The following MTPAP variants were observed in gnomAD, a reference collection of about 807,000 sequenced individuals.
The protein encoded by MTPAP is poly(A) RNA polymerase, mitochondrial.
Under a neutral mutation model 48.7 loss-of-function variants are expected in MTPAP, and 23 were observed. The ratio of observed to expected loss-of-function variants is 0.47; its 90% confidence interval spans 0.34 to 0.67. MTPAP has a LOEUF of 0.67. MTPAP is among the 30% of genes least tolerant of loss of function. The pLI, the probability that MTPAP is intolerant of heterozygous loss-of-function variation, is 0.01. For missense variants in MTPAP, 614 were observed against 694.3 expected, an observed-to-expected ratio of 0.88 and a Z score of 1.30; for synonymous variants, 257 against 254.1, an observed-to-expected ratio of 1.01 and a Z score of -0.11.
At chr10:30,332,662 A>G (rs1236800017) in intron 4 of MTPAP, among the ~76,000 whole-genome samples, 2 of 152,018 alleles carry the variant, frequency 1.3e-5, no homozygotes, top group East Asian at 3.8e-4. Flanking sequence ...ATACCTCTAT[A>G]CCTCAGAAAT....
chr10:30,339,995 C>T, intron 3 of MTPAP: 1 of 549,670 alleles, frequency 1.8e-6, no homozygotes, highest in Admixed American at 3.1e-5. Flanking sequence ...TCAACATCTA[C>T]TCAATGTGTT....
intron 3 of MTPAP, chr10:30,339,994 A>G: frequency 1.8e-6 from 1 of 548,724 alleles, no homozygotes; most frequent in Non-Finnish European, 3.3e-6. Flanking sequence ...CTCAACATCT[A>G]CTCAATGTGT....
Position 30,349,255 on chromosome 10 carries a change from C to G in MTPAP, c.21G>C (p.Gly7=), listed in dbSNP as rs1233899241. The change falls in exon 1 of 9, where the codon GGG becomes GGC. Residue 7 remains glycine, a synonymous_variant. Transcript: ENST00000263063. MAVPGV[G]LLTRLNLCAR... ...CACACAGGTTCAAACGGGTCAAGAG[C>G]CCCACGCCGGGAACCGCCATTGCTA... 6.2e-7 allele frequency: 1 copy of G among 1,607,620 alleles called. No homozygotes were observed. Among genetic ancestry groups the G allele is most frequent in the African/African-American group, 1.4e-5 (1 of 72,650 alleles).
Position 30,326,453 on chromosome 10 carries a change from T to G in MTPAP, c.963A>C (p.Gly321=). Residue 321 remains glycine, a synonymous_variant, in exon 5 of 9, where the codon GGA becomes GGC. Transcript: ENST00000263063. ...TGTTCGTAGTCAAATCACACTGAAA[T>G]CCGGAGGCCTGGTGTGAGAACCTCA... ...PLVRFSHQAS[G]FQCDLTTNNR... 1 of 1,614,092 alleles carries G rather than the reference T, an allele frequency of 6.2e-7. No individual in the cohort carries two copies. The highest frequency in any genetic ancestry group is 8.5e-7 in the Non-Finnish European group (1 of 1,180,012).
At chr10:30,346,229 G>T (rs1164731933) in intron 1 of MTPAP, among the ~76,000 whole-genome samples, 1 of 152,092 alleles carries the variant, frequency 6.6e-6, no homozygotes, top group African/African-American at 2.4e-5. Context: ...TTCATATAAA[G>T]AACTTCAGGC....
At chr10:30,323,848 A>G (rs889594347) in intron 5 of MTPAP, among the ~76,000 whole-genome samples, 4 of 152,216 alleles carry the variant, frequency 2.6e-5, no homozygotes, top group African/African-American at 9.6e-5. Context: ...TCTAAACATG[A>G]TTTAAATAAT....
intron 6 of MTPAP, among the ~76,000 whole-genome samples, chr10:30,317,544 A>G (rs1053918464): frequency 1.3e-5 from 2 of 152,194 alleles, no homozygotes; most frequent in East Asian, 3.8e-4. Flanking sequence ...CCTGGCCCAC[A>G]CTATCTGCAA....
chr10:30,329,357 A>AG (rs1442113482), intron 4 of MTPAP, among the ~76,000 whole-genome samples: 1 of 152,082 alleles, frequency 6.6e-6, no homozygotes, highest in Non-Finnish European at 1.5e-5. Flanking sequence ...CCTTCAGGGT[A>AG]GCTGGAACTA....
At chr10:30,337,941 C>T (rs1834748680) in intron 3 of MTPAP, among the ~76,000 whole-genome samples, 2 of 152,162 alleles carry the variant, frequency 1.3e-5, no homozygotes, top group African/African-American at 2.4e-5. Flanking sequence ...AAAATCGTAA[C>T]TTCAAATGCT....
chr10:30,337,617 G>C (rs1221600988), intron 3 of MTPAP, among the ~76,000 whole-genome samples: 1 of 152,070 alleles, frequency 6.6e-6, no homozygotes, highest in African/African-American at 2.4e-5. Context: ...TTTTTAAAAA[G>C]CTCTGAGGAA....
chr10:30,336,205 G>A (rs1410393788), intron 4 of MTPAP, among the ~76,000 whole-genome samples: 10 of 151,886 alleles, frequency 6.6e-5, no homozygotes, highest in Non-Finnish European at 1.0e-4. Flanking sequence ...CATATATAAA[G>A]GCTGAAAATA....
At position 30,313,520 on chromosome 10, in the gene MTPAP, A is replaced by G; in HGVS notation, c.*89T>C. On this transcript the variant is annotated 3_prime_UTR_variant, in exon 9 of 9. Coordinates refer to ENST00000263063, the MANE Select transcript of MTPAP (RefSeq NM_018109.4). ...AAAGTGACATCAGATGAAAGCTGAG[A>G]TCTGTGAAAGTTTCAAATCAGTTTT... is the stretch of plus-strand genomic sequence containing the variant. 1 of 1,528,496 alleles carries G rather than the reference A, an allele frequency of 6.5e-7. No individual in the cohort carries two copies. Among genetic ancestry groups the G allele is most frequent in the Non-Finnish European group, 9.0e-7 (1 of 1,108,396 alleles). 94.7% of individuals were successfully genotyped at this position (1,528,496 alleles called of 1,614,324 possible). A position where few individuals can be genotyped will look rare whatever the true frequency, so the allele number is the denominator to read the frequency against.
At chr10:30,342,025 G>A (rs1834815165) in intron 1 of MTPAP, among the ~76,000 whole-genome samples, 1 of 152,078 alleles carries the variant, frequency 6.6e-6, no homozygotes, top group South Asian at 2.1e-4. Flanking sequence ...GATCACCTGA[G>A]GCCAGGAGTT....
intron 2 of MTPAP, among the ~76,000 whole-genome samples, chr10:30,340,796 G>GT (rs1834795161): frequency 6.6e-6 from 1 of 152,092 alleles, no homozygotes; most frequent in African/African-American, 2.4e-5. Flanking sequence ...GCAGGTGTCT[G>GT]TAAGTCCAGC....
At chr10:30,327,999 C>T (rs1834619695) in intron 4 of MTPAP, among the ~76,000 whole-genome samples, 1 of 152,064 alleles carries the variant, frequency 6.6e-6, no homozygotes, top group South Asian at 2.1e-4. Flanking sequence ...TTAGAGAAGA[C>T]ACAAAAGAAT....
rs1487514409 is a variant in MTPAP, at chr10:30,313,141, T to A, written c.*468A>T. The A allele has an allele frequency of 5.7e-6, 1 of 175,928 alleles. No homozygotes were observed. Among genetic ancestry groups the A allele is most frequent in the Non-Finnish European group, 1.2e-5 (1 of 82,004 alleles). The allele number at this position is 175,928 out of a possible 1,614,324, so 10.9% of individuals were successfully genotyped here. On this transcript the variant is annotated 3_prime_UTR_variant, in exon 9 of 9. Transcript: ENST00000263063. ...TTTTAAATGTTTTCTAAACAGGGAC[T>A]GATGTGGATATCAACAATGGTTTCA...
intron 5 of MTPAP, among the ~76,000 whole-genome samples, chr10:30,323,263 C>A (rs1209971849): frequency 6.7e-6 from 1 of 150,218 alleles, no homozygotes; most frequent in Non-Finnish European, 1.5e-5. Flanking sequence ...ACCAGCCTGG[C>A]CAACATGGTG....
Position 30,317,960 on chromosome 10 carries a change from T to C in MTPAP, c.1220-1750A>G, listed in dbSNP as rs560224938. Among the ~76,000 whole-genome samples, 3 of 152,200 alleles carry C rather than the reference T, an allele frequency of 2.0e-5. No individual in the cohort carries two copies. In the South Asian group the frequency reaches 6.2e-4, roughly 32 times the overall value. ...GCAACTTCCGCGTCCCGGCTTCAAG[T>C]GATTCTCCTGCCCCAGCCTCCTGAG... On this transcript the variant is annotated intron_variant, in intron 6 of 8. Coordinates refer to ENST00000263063, the MANE Select transcript of MTPAP (RefSeq NM_018109.4).
chr10:30,322,741 TTAGG>T (rs1840739808), intron 5 of MTPAP, 124 bp from the exon 6 acceptor site: 7 of 706,600 alleles, frequency 9.9e-6, no homozygotes, highest in Non-Finnish European at 1.7e-5. Context: ...CAGAACATCA[TTAGG>T]TAATCAAAAG....
Sources: allele counts gnomAD v4.1 joint callset (sites outside exome capture counted in the v4.1 genomes callset), GRCh38; gene constraint gnomAD v4.1.1; transcripts MANE v1.5; gene names NCBI Gene and HGNC (gene_info 2026-07-23, HGNC 2026-07-21).